TOP2B: variants seen among roughly 807,000 people sequenced by gnomAD.
TOP2B encodes DNA topoisomerase II beta.
Under a neutral mutation model 193.5 loss-of-function variants are expected in TOP2B, and 51 were observed. The observed-to-expected ratio is 0.26, with a 90% CI of 0.21 to 0.33. TOP2B has a LOEUF of 0.33. Ranked by LOEUF, TOP2B falls within the 10% of genes least tolerant of loss-of-function variation. The pLI, the probability that TOP2B is intolerant of heterozygous loss-of-function variation, is 1.00. For missense variants in TOP2B, 1,378 were observed against 1,909.3 expected, an observed-to-expected ratio of 0.72 and a Z score of 5.19; for synonymous variants, 634 against 635.7, an observed-to-expected ratio of 1.00 and a Z score of 0.04.
intron 21 of TOP2B, among the ~76,000 whole-genome samples, chr3:25,622,422 T>C (rs192252298): frequency 7.2e-4 from 109 of 152,196 alleles, no homozygotes; most frequent in Middle Eastern, 3.4e-3. Flanking sequence ...CTTGGAAAAA[T>C]ACATCAAAAT....
chr3:25,638,456 G>T, intron 4 of TOP2B, 146 bp from the exon 5 acceptor site: 1 of 1,044,424 alleles, frequency 9.6e-7, no homozygotes, highest in Non-Finnish European at 1.2e-6. Context: ...CAATTGGAAG[G>T]CACTGATTCA....
intron 35 of TOP2B, 136 bp downstream of exon 35, chr3:25,599,299 C>A: frequency 1.4e-6 from 1 of 692,656 alleles, no homozygotes. Context: ...AATTTCTTAA[C>A]CAAATACAAG....
intron 1 of TOP2B, among the ~76,000 whole-genome samples, chr3:25,657,699 T>G (rs548917685): frequency 7.6e-4 from 116 of 152,336 alleles, no homozygotes; most frequent in African/African-American, 2.7e-3. Context: ...AGTAATAAGA[T>G]ATCATGTTCT....
intron 1 of TOP2B, among the ~76,000 whole-genome samples, chr3:25,655,202 A>T (rs1703708834): frequency 6.6e-6 from 1 of 152,238 alleles, no homozygotes; most frequent in Non-Finnish European, 1.5e-5. Context: ...CGACAATAAC[A>T]AAATAACCCC....
intron 4 of TOP2B, among the ~76,000 whole-genome samples, chr3:25,639,241 T>C (rs576458509): frequency 6.6e-6 from 1 of 152,354 alleles, no homozygotes; most frequent in East Asian, 1.9e-4. Context: ...TTTTAAAATT[T>C]CAACTCTAAA....
chr3:25,638,404 A>G, intron 4 of TOP2B, 94 bp from the exon 5 acceptor site: 1 of 1,327,230 alleles, frequency 7.5e-7, no homozygotes, highest in South Asian at 1.9e-5. Flanking sequence ...TTAAAAAGTA[A>G]TCTAGAATAA....
intron 18 of TOP2B, 115 bp downstream of exon 18, chr3:25,626,445 C>A: frequency 3.6e-6 from 2 of 562,012 alleles, no homozygotes; most frequent in South Asian, 3.4e-5. Context: ...ATAAGCTCTT[C>A]ATATACAAGA....
At position 25,648,995 on chromosome 3, in the gene TOP2B, G is replaced by A. The variant is rs150968103; in HGVS notation, c.70-3525C>T. Reference sequence around the variant, plus strand: ...AGTACAGATGAACAAACAAAAACTCGGTGTAACAATGCATAAACAAAAGGA... The same window carrying A: ...AGTACAGATGAACAAACAAAAACTCAGTGTAACAATGCATAAACAAAAGGA... On this transcript the variant is annotated intron_variant, in intron 1 of 35. Coordinates refer to ENST00000264331, the MANE Select transcript of TOP2B (RefSeq NM_001330700.2). Among the ~76,000 whole-genome samples the A allele has an allele frequency of 1.4e-3, 209 of 152,168 alleles. 1 individual carries two copies. Among genetic ancestry groups the A allele is most frequent in the African/African-American group, 4.9e-3 (203 of 41,500 alleles).
rs1704044388 is a variant in TOP2B, at chr3:25,664,853, G to A, written c.-556C>T. 7.1e-6 allele frequency: 7 copies of A among 990,030 alleles called. No homozygotes were observed. Among genetic ancestry groups the A allele is most frequent in the Non-Finnish European group, 8.4e-6 (7 of 832,846 alleles). The allele number at this position is 990,030 out of a possible 1,614,324, so 61.3% of individuals were successfully genotyped here. A position where few individuals can be genotyped will look rare whatever the true frequency, so the allele number is the denominator to read the frequency against. Reference sequence around the variant, plus strand: ...ACCGAGAGGGACAATAAACAGAGCCGCCGCCGCCGCCGCCACGGTCACCTC... The same window carrying A: ...ACCGAGAGGGACAATAAACAGAGCCACCGCCGCCGCCGCCACGGTCACCTC... On this transcript the variant is annotated 5_prime_UTR_variant, in exon 1 of 36. Coordinates refer to ENST00000264331, the MANE Select transcript of TOP2B (RefSeq NM_001330700.2).
Position 25,604,789 on chromosome 3 carries a change from A to G in TOP2B, c.4460T>C (p.Val1487Ala). The G allele has an allele frequency of 6.2e-7, 1 of 1,612,952 alleles. No homozygotes were observed. The highest frequency in any genetic ancestry group is 1.3e-5 in the African/African-American group (1 of 75,028). Residue 1487 changes from valine to alanine, a missense_variant, in exon 33 of 36, where the codon GTT becomes GCT. By Grantham distance (64) the Val-to-Ala change is moderately conservative. Coordinates refer to ENST00000264331, the MANE Select transcript of TOP2B (RefSeq NM_001330700.2). ...PSFGLKQTDK[V>A]PSKTVAAKKG... The stretch of plus-strand genomic sequence containing the variant: ...TTTAGCAGCTACCGTTTTACTTGGA[A>G]CTTTATCTGTCTGTTTCAGACCAAA...
chr3:25,654,988 T>G (rs892213213), intron 1 of TOP2B, among the ~76,000 whole-genome samples: 2 of 152,142 alleles, frequency 1.3e-5, no homozygotes, highest in Non-Finnish European at 2.9e-5. Flanking sequence ...TTTGAGACAC[T>G]GGATTTGGCA....
chr3:25,598,098 A>AATC lies in TOP2B; in HGVS notation c.*206_*208dup, dbSNP rs1283590971. ...GCAGTCTATAACAATTCTACAAGCC[A>AATC]ATCAGACAGTACGTGACATTTCAAT... On this transcript the variant is annotated 3_prime_UTR_variant, in exon 36 of 36. Coordinates refer to ENST00000264331, the MANE Select transcript of TOP2B (RefSeq NM_001330700.2). 1.5e-5 allele frequency: 6 copies of AATC among 409,834 alleles called. No individual in the cohort carries two copies. In the East Asian group the frequency reaches 1.6e-4, roughly 11 times the overall value. The allele number at this position is 409,834 out of a possible 1,614,324, so 25.4% of individuals were successfully genotyped here.
At chr3:25,605,454 GAC>G (rs1254833773) in intron 32 of TOP2B, among the ~76,000 whole-genome samples, 4 of 151,890 alleles carry the variant, frequency 2.6e-5, no homozygotes, top group African/African-American at 9.7e-5. Context: ...CAACTCTTTT[GAC>G]ACACTGTCAA....
intron 23 of TOP2B, among the ~76,000 whole-genome samples, chr3:25,619,211 C>A (rs143253398): frequency 2.1e-3 from 312 of 152,126 alleles, no homozygotes; most frequent in African/African-American, 6.9e-3. Flanking sequence ...TAAAAATGTT[C>A]AAGTTTTTCC....
chr3:25,635,116 A>G (rs1703069134), intron 7 of TOP2B, among the ~76,000 whole-genome samples: 1 of 152,176 alleles, frequency 6.6e-6, no homozygotes, highest in African/African-American at 2.4e-5. Flanking sequence ...CAGCTCAAAA[A>G]GAAGGGCCTA....
At chr3:25,617,296 T>C (rs1386029868) in intron 25 of TOP2B, among the ~76,000 whole-genome samples, 2 of 152,080 alleles carry the variant, frequency 1.3e-5, no homozygotes, top group Non-Finnish European at 2.9e-5. Context: ...AAACCATAAT[T>C]TGGGGTTCAA....
At chr3:25,650,841 G>A (rs575329733) in intron 1 of TOP2B, among the ~76,000 whole-genome samples, 1 of 152,284 alleles carries the variant, frequency 6.6e-6, no homozygotes, top group South Asian at 2.1e-4. Context: ...CATTGGCCCT[G>A]TAAACATATT....
At chr3:25,661,560 A>C (rs1298366415) in intron 1 of TOP2B, among the ~76,000 whole-genome samples, 2 of 152,200 alleles carry the variant, frequency 1.3e-5, no homozygotes, top group Non-Finnish European at 2.9e-5. Flanking sequence ...ACAAAGAATT[A>C]ATTCAAGAAA....
Position 25,598,116 on chromosome 3 carries a change from A to G in TOP2B, c.*191T>C, listed in dbSNP as rs1701965337. On this transcript the variant is annotated 3_prime_UTR_variant, in exon 36 of 36. Coordinates refer to ENST00000264331, the MANE Select transcript of TOP2B (RefSeq NM_001330700.2). ...ACAAGCCAATCAGACAGTACGTGACATTTCAATGAGTAAAAAAGAGCATAA... is the reference window on the plus strand; with the variant it reads ...ACAAGCCAATCAGACAGTACGTGACGTTTCAATGAGTAAAAAAGAGCATAA... 1.9e-6 allele frequency: 1 copy of G among 533,374 alleles called. No individual in the cohort carries two copies. Among genetic ancestry groups the G allele is most frequent in the Non-Finnish European group, 3.2e-6 (1 of 313,318 alleles). The allele number at this position is 533,374 out of a possible 1,614,324, so 33.0% of individuals were successfully genotyped here.
Sources: gnomAD v4.1 joint callset for allele counts (sites outside exome capture counted in the v4.1 genomes callset) on GRCh38, gnomAD v4.1.1 for gene constraint, MANE v1.5 for transcripts, NCBI Gene and HGNC (gene_info 2026-07-23, HGNC 2026-07-21) for gene names.